Variants in PLD5 observed in about 807,000 individuals in gnomAD.
PLD5 encodes phospholipase D family member 5.
Under a neutral mutation model 61.1 loss-of-function variants are expected in PLD5, and 36 were observed. That is an observed-to-expected ratio of 0.59 (90% CI 0.45 to 0.78). PLD5 has a LOEUF of 0.78. Among genes scored for constraint, PLD5 ranks in the 30% least tolerant of loss-of-function variants. The pLI is 0.00. For synonymous variants in PLD5, 243 were observed against 242.8 expected (o/e 1.00, Z -0.01); for missense variants, 515 against 644.4 (o/e 0.80, Z 2.17).
At chr1:242,190,319 T>C (rs1668179441) in intron 5 of PLD5, among the ~76,000 whole-genome samples, 6 of 151,532 alleles carry the variant, frequency 4.0e-5, no homozygotes, top group African/African-American at 1.4e-4. Flanking sequence ...CTAATTTTTT[T>C]GTACTTTTAG....
intron 5 of PLD5, among the ~76,000 whole-genome samples, chr1:242,207,832 ATT>A (rs1178395637): frequency 1.6e-5 from 1 of 61,378 alleles, no homozygotes; most frequent in African/African-American, 7.0e-5. Flanking sequence ...ATTTATATAT[ATT>A]TATATATTTA....
chr1:242,194,003 C>G (rs1668443724), intron 5 of PLD5, among the ~76,000 whole-genome samples: 1 of 152,134 alleles, frequency 6.6e-6, no homozygotes, highest in Non-Finnish European at 1.5e-5. Flanking sequence ...CAAAATACAT[C>G]TCTTGAATAT....
chr1:242,454,661 C>T lies in PLD5; in HGVS notation c.189+69427G>A, dbSNP rs187781238. On this transcript the variant is annotated intron_variant, in intron 1 of 9. Coordinates refer to ENST00000536534, the MANE Select transcript of PLD5 (RefSeq NM_001372062.1). ...TACGAAATCATAAAAGAGTTTCTAA[C>T]GCTGAAAAGTGGCTGTAATAGAAAG... Among the ~76,000 whole-genome samples, 83 of 152,192 alleles carry T rather than the reference C, an allele frequency of 5.5e-4. 1 individual carries two copies. Among genetic ancestry groups the T allele is most frequent in the Middle Eastern group, 3.4e-3 (1 of 294 alleles).
chr1:242,410,085 G>A (rs1037552262), intron 1 of PLD5, among the ~76,000 whole-genome samples: 2 of 152,122 alleles, frequency 1.3e-5, no homozygotes, highest in Non-Finnish European at 2.9e-5. Flanking sequence ...CCTCCCTGTG[G>A]AGAGGTCACC....
intron 3 of PLD5, among the ~76,000 whole-genome samples, chr1:242,266,961 A>G (rs1338964886): frequency 6.6e-6 from 1 of 152,050 alleles, no homozygotes; most frequent in Non-Finnish European, 1.5e-5. Context: ...TACTAAAAAT[A>G]CAAAAATCAG....
intron 4 of PLD5, among the ~76,000 whole-genome samples, chr1:242,237,979 C>A (rs1269622032): frequency 6.6e-6 from 1 of 152,184 alleles, no homozygotes; most frequent in Non-Finnish European, 1.5e-5. Flanking sequence ...CCCTACCTAG[C>A]TTTGCATACA....
At chr1:242,198,178 G>A (rs993868487) in intron 5 of PLD5, among the ~76,000 whole-genome samples, 4 of 152,160 alleles carry the variant, frequency 2.6e-5, no homozygotes, top group Non-Finnish European at 2.9e-5. Flanking sequence ...CAGGCCAAGT[G>A]TATTTTAGAG....
At position 242,181,808 on chromosome 1, in the gene PLD5, A is replaced by G. The variant is rs367615740; in HGVS notation, c.735+38180T>C. On this transcript the variant is annotated intron_variant, in intron 5 of 9. Transcript: ENST00000536534. ...CAGGCACTCACCACCATGCCTAGCTAATTTTTGTATTTTTAGTAGAGATGG... is the reference window on the plus strand; with the variant it reads ...CAGGCACTCACCACCATGCCTAGCTGATTTTTGTATTTTTAGTAGAGATGG... Among the ~76,000 whole-genome samples, 80 of 152,032 alleles carry G rather than the reference A, an allele frequency of 5.3e-4. 2 individuals are homozygous for G. In the South Asian group the frequency reaches 0.016, roughly 30 times the overall value.
chr1:242,518,981 G>A (rs924866447), intron 1 of PLD5, among the ~76,000 whole-genome samples: 25 of 152,226 alleles, frequency 1.6e-4, no homozygotes, highest in African/African-American at 5.5e-4. Context: ...TGACTGATGA[G>A]TTGGAGGCGG....
At chr1:242,372,202 T>C (rs1213757789) in intron 1 of PLD5, among the ~76,000 whole-genome samples, 3 of 152,302 alleles carry the variant, frequency 2.0e-5, no homozygotes, top group Non-Finnish European at 4.4e-5. Flanking sequence ...TTTATCTGTT[T>C]TTTCAAAGAC....
chr1:242,272,912 T>G (rs1457512060), intron 3 of PLD5, among the ~76,000 whole-genome samples: 1 of 152,188 alleles, frequency 6.6e-6, no homozygotes, highest in Admixed American at 6.5e-5. Context: ...TTGTTTGTTT[T>G]TTTTTCTTTT....
intron 2 of PLD5, among the ~76,000 whole-genome samples, chr1:242,317,364 A>T (rs1405683641): frequency 3.9e-5 from 6 of 152,222 alleles, no homozygotes; most frequent in African/African-American, 1.4e-4. Context: ...GCTGTTGTGA[A>T]TGAACACACA....
At chr1:242,163,147 C>T (rs111364051) in intron 5 of PLD5, among the ~76,000 whole-genome samples, 8,205 of 141,926 alleles carry the variant, frequency 0.058, 732 homozygotes, top group African/African-American at 0.19. Flanking sequence ...CTTTTCTTTT[C>T]TTTCTTTTCT....
At chr1:242,453,513 C>A (rs973852474) in intron 1 of PLD5, among the ~76,000 whole-genome samples, 30 of 151,982 alleles carry the variant, frequency 2.0e-4, no homozygotes, top group African/African-American at 7.0e-4. Context: ...TTTTGAGAAG[C>A]CCAACAAGAC....
At chr1:242,347,010 T>C (rs1194425063) in intron 2 of PLD5, among the ~76,000 whole-genome samples, 1 of 152,246 alleles carries the variant, frequency 6.6e-6, no homozygotes, top group Non-Finnish European at 1.5e-5. Flanking sequence ...GGCTACATAA[T>C]ATTATGGAAT....
chr1:242,396,005 G>A (rs529636262), intron 1 of PLD5, among the ~76,000 whole-genome samples: 35 of 152,196 alleles, frequency 2.3e-4, no homozygotes, highest in African/African-American at 7.7e-4. Context: ...GCGAGATTGC[G>A]CCATTGCACT....
intron 1 of PLD5, among the ~76,000 whole-genome samples, chr1:242,519,546 G>C (rs1025416198): frequency 6.6e-6 from 1 of 152,186 alleles, no homozygotes; most frequent in African/African-American, 2.4e-5. Flanking sequence ...TGGGCTTTCT[G>C]AGACATCCTG....
intron 4 of PLD5, among the ~76,000 whole-genome samples, chr1:242,264,638 G>A (rs1045987470): frequency 1.3e-5 from 2 of 152,078 alleles, no homozygotes; most frequent in African/African-American, 4.8e-5. Context: ...CCTCTTCTAG[G>A]GACGTCCGGC....
intron 8 of PLD5, among the ~76,000 whole-genome samples, chr1:242,107,189 G>A (rs559931205): frequency 4.3e-4 from 66 of 152,172 alleles, no homozygotes; most frequent in Non-Finnish European, 7.9e-4. Context: ...AAGGAAGATG[G>A]AGAGGGCCGG....
Sources: allele counts gnomAD v4.1 joint callset (sites outside exome capture counted in the v4.1 genomes callset), GRCh38; gene constraint gnomAD v4.1.1; transcripts MANE v1.5; gene names NCBI Gene and HGNC (gene_info 2026-07-23, HGNC 2026-07-21).